Variants in HS6ST2 observed in about 807,000 individuals in gnomAD.
The protein encoded by HS6ST2 is heparan-sulfate 6-O-sulfotransferase 2.
Under a neutral mutation model 33.0 loss-of-function variants are expected in HS6ST2, and 17 were observed. That is an observed-to-expected ratio of 0.52 (90% CI 0.35 to 0.77). The LOEUF (loss-of-function observed/expected upper bound fraction) is 0.77. Among genes scored for constraint, HS6ST2 ranks in the 30% least tolerant of loss-of-function variants. The pLI, the probability that HS6ST2 is intolerant of heterozygous loss-of-function variation, is 0.01. For missense variants in HS6ST2, 519 were observed against 551.7 expected (o/e 0.94, Z 0.59); for synonymous variants, 248 against 237.1 (o/e 1.05, Z -0.42).
chrX:132,787,928 CAT>C (rs967756597), intron 2 of HS6ST2, among the ~76,000 whole-genome samples: 1 of 110,513 alleles, frequency 9.0e-6, no homozygotes, highest in African/African-American at 3.3e-5. Context: ...GAATTGATGA[CAT>C]GTGTTTATCT....
intron 2 of HS6ST2, among the ~76,000 whole-genome samples, chrX:132,716,648 T>C (rs2064276040): frequency 8.9e-6 from 1 of 112,341 alleles, no homozygotes; most frequent in Non-Finnish European, 1.9e-5. Flanking sequence ...ATCATATACA[T>C]ACAGTATTTT....
At chrX:132,695,409 G>A (rs1171192202) in intron 3 of HS6ST2, among the ~76,000 whole-genome samples, 2 of 112,169 alleles carry the variant, frequency 1.8e-5, no homozygotes, top group African/African-American at 3.2e-5. Flanking sequence ...ATCAAAATGT[G>A]AAGCTCTAGA....
At chrX:132,895,916 T>A (rs745534718) in intron 2 of HS6ST2, among the ~76,000 whole-genome samples, 18 of 111,042 alleles carry the variant, frequency 1.6e-4, no homozygotes, top group Non-Finnish European at 2.4e-4. Context: ...GGAGCGTCAC[T>A]CCAATACTGT....
intron 2 of HS6ST2, among the ~76,000 whole-genome samples, chrX:132,909,657 G>C (rs1044673121): frequency 9.0e-6 from 1 of 111,699 alleles, no homozygotes; most frequent in South Asian, 3.8e-4. Context: ...ATTGAAAGCT[G>C]TGGTTTAATA....
At chrX:132,681,468 A>G (rs752378223) in intron 3 of HS6ST2, among the ~76,000 whole-genome samples, 2 of 111,647 alleles carry the variant, frequency 1.8e-5, no homozygotes, top group South Asian at 3.8e-4. Context: ...CAAAACGTCA[A>G]GAAAGTCTTG....
At chrX:132,945,792 T>C (rs894647158) in intron 2 of HS6ST2, among the ~76,000 whole-genome samples, 12 of 91,472 alleles carry the variant, frequency 1.3e-4, no homozygotes, top group Admixed American at 7.1e-4. Flanking sequence ...TAGGTGGTAA[T>C]TGAACAACAA....
intron 2 of HS6ST2, among the ~76,000 whole-genome samples, chrX:132,859,999 G>A (rs1767277284): frequency 1.8e-5 from 2 of 111,136 alleles, no homozygotes; most frequent in Non-Finnish European, 1.9e-5. Context: ...GGGTGTCAGA[G>A]TTCACTAATG....
intron 2 of HS6ST2, among the ~76,000 whole-genome samples, chrX:132,926,754 G>A (rs1017875879): frequency 3.6e-5 from 4 of 110,738 alleles, no homozygotes; most frequent in Admixed American, 9.6e-5. Context: ...GAAAACCTAT[G>A]TCTACTAAAA....
At chrX:132,921,731 A>G (rs1381611287) in intron 2 of HS6ST2, among the ~76,000 whole-genome samples, 1 of 112,195 alleles carries the variant, frequency 8.9e-6, no homozygotes, top group East Asian at 2.8e-4. Flanking sequence ...TGCTTGAGGT[A>G]TTCACTGGCT....
At chrX:132,705,890 T>C (rs2064185232) in intron 3 of HS6ST2, among the ~76,000 whole-genome samples, 1 of 112,126 alleles carries the variant, frequency 8.9e-6, no homozygotes, top group Admixed American at 9.5e-5. Flanking sequence ...GTGATTTGCA[T>C]AGAACATCTC....
intron 2 of HS6ST2, among the ~76,000 whole-genome samples, chrX:132,841,780 A>AT (rs1261545761): frequency 8.9e-6 from 1 of 112,065 alleles, no homozygotes; most frequent in Non-Finnish European, 1.9e-5. Flanking sequence ...AAAGAGTAGT[A>AT]TTTTTTTACA....
chrX:132,878,993 C>G (rs1173217199), intron 2 of HS6ST2, among the ~76,000 whole-genome samples: 1 of 111,143 alleles, frequency 9.0e-6, no homozygotes, highest in Admixed American at 9.7e-5. Context: ...AAATTTCACC[C>G]TAGCCAGCAG....
At position 132,687,900 on chromosome X, in the gene HS6ST2, C is replaced by T. The variant is rs1274906021; in HGVS notation, c.981-18701G>A. Among the ~76,000 whole-genome samples, 5 of 111,277 alleles carry T rather than the reference C, an allele frequency of 4.5e-5. No homozygotes were observed. The Admixed American group carries it at 4.8e-4, about 11-fold the overall frequency. On this transcript the variant is annotated intron_variant, in intron 3 of 4. Transcript: ENST00000370833. ...AGTAGTTGGGATTACAGGTGCCCACCACCACGCCCAGCTAATTTTTGTATT... is the reference window on the plus strand; with the variant it reads ...AGTAGTTGGGATTACAGGTGCCCACTACCACGCCCAGCTAATTTTTGTATT...
At chrX:132,708,672 G>C (rs2064206319) in intron 2 of HS6ST2, 178 bp from the exon 3 acceptor site, 1 of 405,903 alleles carries the variant, frequency 2.5e-6, no homozygotes, top group African/African-American at 2.5e-5. Flanking sequence ...CAAGTAATGG[G>C]GAGATTCCCA....
chrX:132,732,592 G>C lies in HS6ST2; in HGVS notation c.948-24098C>G, dbSNP rs753685186. 6.3e-5 allele frequency among the ~76,000 whole-genome samples: 7 copies of C among 111,100 alleles called. No individual in the cohort carries two copies. The South Asian group carries it at 2.7e-3, about 43-fold the overall frequency. ...TTTCCCCTATGCTGTTGTTGTGGTG[G>C]TAAGTCTCACTAGATTTGATGGTTT... On this transcript the variant is annotated intron_variant, in intron 2 of 4. Transcript: ENST00000370833.
chrX:132,955,184 T>G (rs1308819459), intron 2 of HS6ST2, among the ~76,000 whole-genome samples: 9 of 112,642 alleles, frequency 8.0e-5, no homozygotes, highest in Non-Finnish European at 1.5e-4. Context: ...TTTTCAATAT[T>G]GCCAAATTGT....
At chrX:132,820,421 G>A (rs1214430849) in intron 2 of HS6ST2, among the ~76,000 whole-genome samples, 1 of 111,604 alleles carries the variant, frequency 9.0e-6, no homozygotes, top group Non-Finnish European at 1.9e-5. Context: ...AGGAGAGGGG[G>A]CAGCCAGAGG....
At chrX:132,850,731 T>TACACACACAC (rs111520127) in intron 2 of HS6ST2, among the ~76,000 whole-genome samples, 4,462 of 105,925 alleles carry the variant, frequency 0.042, 212 homozygotes, top group African/African-American at 0.14. Context: ...TTTCTACATC[T>TACACACACAC]ACACACACAC....
intron 2 of HS6ST2, among the ~76,000 whole-genome samples, chrX:132,858,324 A>G (rs2065874162): frequency 8.9e-6 from 1 of 112,207 alleles, no homozygotes; most frequent in African/African-American, 3.2e-5. Context: ...GGGAATCTTG[A>G]TGGTGAAACA....
Sources: allele counts gnomAD v4.1 joint callset (sites outside exome capture counted in the v4.1 genomes callset), GRCh38; gene constraint gnomAD v4.1.1; transcripts MANE v1.5; gene names NCBI Gene and HGNC (gene_info 2026-07-23, HGNC 2026-07-21).